The following EBLN1 variants were observed in gnomAD, a reference collection of about 807,000 sequenced individuals.
The protein encoded by EBLN1 is endogenous Bornavirus like nucleoprotein 1.
A neutral mutation model predicts 0.8 loss-of-function variants in EBLN1; 1 was observed. The observed-to-expected ratio is 1.32, with a 90% CI of 0.47 to 6.26. The LOEUF is 6.26. Ranked by LOEUF, EBLN1 falls within the 30% of genes most tolerant of loss-of-function variation. The pLI is 0.15. For missense variants in EBLN1, 396 were observed against 447.9 expected (o/e 0.88, Z 1.05); for synonymous variants, 158 against 158.5 (o/e 1.00, Z 0.02).
At chr10:22,216,474 C>T (rs1045678863) in intron 1 of EBLN1, among the ~76,000 whole-genome samples, 1 of 152,066 alleles carries the variant, frequency 6.6e-6, no homozygotes, top group South Asian at 2.1e-4. Context: ...AACAGGGCAA[C>T]AACCTCTTTA....
At chr10:22,214,913 TAAATA>T (rs1027200318) in intron 1 of EBLN1, among the ~76,000 whole-genome samples, 84 of 152,302 alleles carry the variant, frequency 5.5e-4, no homozygotes, top group African/African-American at 2.0e-3. Context: ...GATAAACTGA[TAAATA>T]AAATGAGTTA....
In EBLN1 at chr10:22,208,789, G is replaced by T; in HGVS notation, c.*94C>A. On this transcript the variant is annotated 3_prime_UTR_variant, in exon 3 of 3. Coordinates refer to ENST00000422359, the MANE Select transcript of EBLN1 (RefSeq NM_001394757.1). ...TAGATGTCAGAGACAGACCAAGATT[G>T]AAAACAATAGGCAACACTCAGATAC... is the stretch of plus-strand genomic sequence containing the variant. 1 of 1,335,448 alleles carries T rather than the reference G, an allele frequency of 7.5e-7. No homozygotes were observed. Among genetic ancestry groups the T allele is most frequent in the Non-Finnish European group, 9.9e-7 (1 of 1,014,110 alleles). The allele number at this position is 1,335,448 out of a possible 1,614,324, so 82.7% of individuals were successfully genotyped here.
chr10:22,212,171 AC>A (rs1404497389), intron 2 of EBLN1, among the ~76,000 whole-genome samples: 14 of 152,316 alleles, frequency 9.2e-5, no homozygotes, highest in African/African-American at 3.1e-4. Context: ...TGCTGTGGGT[AC>A]TATAGGATTT....
chr10:22,212,229 T>C (rs1834760784), intron 2 of EBLN1, among the ~76,000 whole-genome samples: 1 of 152,206 alleles, frequency 6.6e-6, no homozygotes, highest in South Asian at 2.1e-4. Flanking sequence ...GACAGTTAAT[T>C]TAATTAATAA....
chr10:22,217,038 C>A (rs1263079791), intron 1 of EBLN1, among the ~76,000 whole-genome samples: 1 of 152,168 alleles, frequency 6.6e-6, no homozygotes, highest in Admixed American at 6.5e-5. Flanking sequence ...AACCCTCTCA[C>A]GCTTATTACA....
At chr10:22,213,531 T>A (rs1330346667) in intron 1 of EBLN1, among the ~76,000 whole-genome samples, 1 of 152,194 alleles carries the variant, frequency 6.6e-6, no homozygotes, top group Non-Finnish European at 1.5e-5. Flanking sequence ...GTATTTGTAG[T>A]TTTGTATTCA....
intron 1 of EBLN1, among the ~76,000 whole-genome samples, chr10:22,213,917 C>T (rs16922114): frequency 0.016 from 2,429 of 152,266 alleles, 79 homozygotes; most frequent in African/African-American, 0.055. Flanking sequence ...GGAAGTATGG[C>T]TGTTTTCCTG....
chr10:22,209,835 A>G lies in EBLN1; in HGVS notation c.149T>C (p.Ile50Thr), dbSNP rs889640023. The change falls in exon 3 of 3, where the codon ATT (isoleucine) becomes ACT (threonine). Residue 50 changes from isoleucine (I) to threonine (T), a missense_variant. Physicochemically the swap from Ile to Thr is moderately conservative, Grantham distance 89. Transcript: ENST00000422359. ...PADALEPQPGIGDVKVIEKAT... is the reference protein window; with the variant it reads ...PADALEPQPGTGDVKVIEKAT... ...TTTTTCAATGACCTTAACATCTCCA[A>G]TACCAGGTTGGGGCTCCAATGCATC... 1.8e-5 allele frequency: 27 copies of G among 1,531,122 alleles called. No individual in the cohort carries two copies. The highest frequency in any genetic ancestry group is 2.2e-5 in the Non-Finnish European group (25 of 1,144,674). 94.8% of individuals were successfully genotyped at this position (1,531,122 alleles called of 1,614,324 possible).
Position 22,209,033 on chromosome 10 carries a change from A to G in EBLN1, c.951T>C (p.Ser317=). The G allele has an allele frequency of 6.5e-7, 1 of 1,536,190 alleles. No individual in the cohort carries two copies. Among genetic ancestry groups the G allele is most frequent in the Non-Finnish European group, 8.7e-7 (1 of 1,146,932 alleles). Residue 317 remains serine (S), a synonymous_variant, in exon 3 of 3, where the codon TCT becomes TCC. Coordinates refer to ENST00000422359, the MANE Select transcript of EBLN1 (RefSeq NM_001394757.1). ...YWAKRRNSTF[S]GFEALDIIPG... ...GTATAATGTCAAGGGCTTCAAATCC[A>G]GAAAATGTGGAATTCCTTCTTTTGG...
intron 1 of EBLN1, among the ~76,000 whole-genome samples, chr10:22,217,418 T>G (rs1834801188): frequency 6.6e-6 from 1 of 152,234 alleles, no homozygotes; most frequent in African/African-American, 2.4e-5. Context: ...CATACTGTTC[T>G]CATATTCATT....
rs1269430370 is a variant in EBLN1, at chr10:22,208,973, C to T, written c.1011G>A (p.Met337Ile). The change falls in exon 3 of 3, where the codon ATG (methionine) becomes ATA (isoleucine). Residue 337 changes from methionine to isoleucine, a missense_variant. Transcript: ENST00000422359. ...GSTITFPVLQ[M>I]ASAQKISRGS... ...CTCTGGAGATTTTCTGAGCAGATGC[C>T]ATTTGAAGTACAGGGAATGTAATAG... 6.5e-6 allele frequency: 10 copies of T among 1,535,618 alleles called. No homozygotes were observed. The highest frequency in any genetic ancestry group is 2.0e-5 in the Admixed American group (1 of 51,000).
chr10:22,210,880 A>T (rs1018720290), intron 2 of EBLN1, among the ~76,000 whole-genome samples: 2 of 152,236 alleles, frequency 1.3e-5, no homozygotes, highest in Non-Finnish European at 2.9e-5. Flanking sequence ...AAAGGAACAC[A>T]GGTTGTACAG....
At chr10:22,212,800 TGTG>T (rs372297603) in intron 2 of EBLN1, among the ~76,000 whole-genome samples, 39 bp downstream of exon 2, 13 of 134,304 alleles carry the variant, frequency 9.7e-5, no homozygotes, top group African/African-American at 1.9e-4. Flanking sequence ...AAAAAAAAGT[TGTG>T]TTTTTTTTTT....
intron 2 of EBLN1, among the ~76,000 whole-genome samples, chr10:22,211,613 C>G (rs1834755718): frequency 6.6e-6 from 1 of 152,164 alleles, no homozygotes; most frequent in Non-Finnish European, 1.5e-5. Flanking sequence ...TGCCCCAACC[C>G]ACAAAGTAGC....
chr10:22,214,538 A>G (rs142723735), intron 1 of EBLN1, among the ~76,000 whole-genome samples: 8 of 152,320 alleles, frequency 5.3e-5, no homozygotes, highest in African/African-American at 1.7e-4. Context: ...CTGACAATGT[A>G]GAACTGAAAA....
At chr10:22,212,151 C>G (rs745594216) in intron 2 of EBLN1, among the ~76,000 whole-genome samples, 12 of 152,116 alleles carry the variant, frequency 7.9e-5, no homozygotes, top group Non-Finnish European at 1.6e-4. Context: ...CTCTAAAGCA[C>G]TTGGTGGGAT....
At chr10:22,211,339 T>A (rs1834751496) in intron 2 of EBLN1, among the ~76,000 whole-genome samples, 1 of 152,196 alleles carries the variant, frequency 6.6e-6, no homozygotes, top group African/African-American at 2.4e-5. Flanking sequence ...TGAAAAGAAA[T>A]GTTCAAAATC....
At chr10:22,214,049 G>A (rs924138803) in intron 1 of EBLN1, among the ~76,000 whole-genome samples, 7 of 151,980 alleles carry the variant, frequency 4.6e-5, no homozygotes, top group Non-Finnish European at 1.0e-4. Flanking sequence ...AATAAAAGAG[G>A]CAATATCAAG....
At chr10:22,213,753 T>G (rs1443128580) in intron 1 of EBLN1, among the ~76,000 whole-genome samples, 1 of 152,196 alleles carries the variant, frequency 6.6e-6, no homozygotes, top group Non-Finnish European at 1.5e-5. Flanking sequence ...TGAAGTTTAA[T>G]TGAGCATTTC....
Sources: gnomAD v4.1 joint callset for allele counts (sites outside exome capture counted in the v4.1 genomes callset) on GRCh38, gnomAD v4.1.1 for gene constraint, MANE v1.5 for transcripts, NCBI Gene and HGNC (gene_info 2026-07-23, HGNC 2026-07-21) for gene names.